FGF7: variants seen among roughly 807,000 people sequenced by gnomAD.
FGF7 encodes fibroblast growth factor 7, also known as FGF-7.
Under a neutral mutation model 20.5 loss-of-function variants are expected in FGF7, and 6 were observed. The ratio of observed to expected loss-of-function variants is 0.29; its 90% CI spans 0.16 to 0.58. The LOEUF (loss-of-function observed/expected upper bound fraction) is 0.58, where lower values mean the gene tolerates loss of function less well. Among genes scored for constraint, FGF7 ranks in the 20% least tolerant of loss-of-function variants. The pLI is 0.90. For synonymous variants in FGF7, 64 were observed against 74.7 expected (o/e 0.86, Z 0.74); for missense variants, 144 against 228.8 (o/e 0.63, Z 2.39).
chr15:49,459,695 C>T (rs58410445), intron 2 of FGF7, among the ~76,000 whole-genome samples: 49,425 of 151,946 alleles, frequency 0.33, 8,756 homozygotes, highest in African/African-American at 0.45. Flanking sequence ...TCAAAAATGA[C>T]TGTACACATT....
At chr15:49,431,889 A>C (rs1390157711) in intron 2 of FGF7, among the ~76,000 whole-genome samples, 3 of 151,704 alleles carry the variant, frequency 2.0e-5, no homozygotes, top group Non-Finnish European at 4.4e-5. Flanking sequence ...AAAACCACTA[A>C]AATGCTGGGG....
intron 2 of FGF7, 66 bp from the exon 3 acceptor site, chr15:49,483,085 G>A: frequency 1.2e-6 from 1 of 852,106 alleles, no homozygotes; most frequent in South Asian, 1.3e-5. Flanking sequence ...AAGAACAAAT[G>A]GCCATTCGTG....
At chr15:49,458,182 T>C (rs2053483541) in intron 2 of FGF7, among the ~76,000 whole-genome samples, 1 of 151,994 alleles carries the variant, frequency 6.6e-6, no homozygotes, top group Non-Finnish European at 1.5e-5. Flanking sequence ...AGTAGGATCT[T>C]AGAGCAGGAA....
At position 49,484,325 on chromosome 15, in the gene FGF7, G is replaced by T; in HGVS notation, c.406G>T (p.Asp136Tyr). ...GTTTTAACAGAAAGAATGCAATGAAGATTGTAACTTCAAAGAACTAATTCT... is the reference window on the plus strand; with the variant it reads ...GTTTTAACAGAAAGAATGCAATGAATATTGTAACTTCAAAGAACTAATTCT... The part of the protein sequence containing the change: ...KLYAKKECNE[D>Y]CNFKELILEN... The change falls in exon 4 of 4, where the codon GAT becomes TAT. Residue 136 changes from aspartate (D) to tyrosine (Y), a missense_variant. Around this residue, in one of 2 missense-constraint regions of FGF7, gnomAD observed 56 missense variants for 125.4 expected, o/e 0.45. Transcript: ENST00000267843. 1 of 1,588,684 alleles carries T rather than the reference G, an allele frequency of 6.3e-7. No homozygotes were observed. Among genetic ancestry groups the T allele is most frequent in the Non-Finnish European group, 8.5e-7 (1 of 1,175,332 alleles).
At chr15:49,427,557 C>T (rs572748823) in intron 2 of FGF7, among the ~76,000 whole-genome samples, 25 of 152,036 alleles carry the variant, frequency 1.6e-4, no homozygotes, top group African/African-American at 5.3e-4. Flanking sequence ...TAAAATTTTA[C>T]ATGAAAAGTA....
At chr15:49,430,497 T>A (rs1221915942) in intron 2 of FGF7, among the ~76,000 whole-genome samples, 1 of 151,896 alleles carries the variant, frequency 6.6e-6, no homozygotes, top group Non-Finnish European at 1.5e-5. Context: ...TCTAGAGGGT[T>A]GGCTTAGTCT....
At chr15:49,441,249 G>T (rs2051612586) in intron 2 of FGF7, among the ~76,000 whole-genome samples, 1 of 151,642 alleles carries the variant, frequency 6.6e-6, no homozygotes, top group Admixed American at 6.6e-5. Flanking sequence ...CCACAACTTA[G>T]ATTTTCAAAT....
intron 2 of FGF7, among the ~76,000 whole-genome samples, chr15:49,482,155 C>A (rs2056010798): frequency 6.6e-6 from 1 of 151,990 alleles, no homozygotes; most frequent in African/African-American, 2.4e-5. Context: ...ACTGTACCTT[C>A]ATGTAGAAAA....
rs370899939 is a variant in FGF7 at position 49,474,964 on chromosome 15, T to C, written c.287-8187T>C. Among the ~76,000 whole-genome samples the C allele has an allele frequency of 8.6e-5, 13 of 151,212 alleles. No individual in the cohort carries two copies. In the East Asian group the frequency reaches 1.8e-3, roughly 20 times the overall value. ...GAATTAATTCCAGATGAATTTAAGA[T>C]AATTTGAATTTATATTTAAAATTCA... is the stretch of plus-strand genomic sequence containing the variant. On this transcript the variant is annotated intron_variant, in intron 2 of 3. Transcript: ENST00000267843.
intron 2 of FGF7, among the ~76,000 whole-genome samples, chr15:49,453,585 G>A (rs374979591): frequency 4.7e-4 from 71 of 152,198 alleles, no homozygotes; most frequent in African/African-American, 1.7e-3. Context: ...CCATGTAACC[G>A]TCAGGGACCA....
At chr15:49,430,901 C>T (rs1046825372) in intron 2 of FGF7, among the ~76,000 whole-genome samples, 1 of 147,518 alleles carries the variant, frequency 6.8e-6, no homozygotes, top group African/African-American at 2.5e-5. Flanking sequence ...AGGGTCTATC[C>T]AGATCAGAGA....
chr15:49,438,233 C>G (rs938366586), intron 2 of FGF7, among the ~76,000 whole-genome samples: 3 of 151,678 alleles, frequency 2.0e-5, no homozygotes, highest in Non-Finnish European at 4.4e-5. Flanking sequence ...AGTAGAAGCA[C>G]TAACTAATCA....
chr15:49,470,563 T>A (rs1053473875), intron 2 of FGF7, among the ~76,000 whole-genome samples: 8 of 152,200 alleles, frequency 5.3e-5, no homozygotes, highest in Non-Finnish European at 1.2e-4. Context: ...CCTTAACTTT[T>A]ATGATACCTT....
intron 2 of FGF7, among the ~76,000 whole-genome samples, chr15:49,440,673 T>C (rs1024362458): frequency 6.6e-6 from 1 of 151,734 alleles, no homozygotes; most frequent in Non-Finnish European, 1.5e-5. Flanking sequence ...TTTACATGAT[T>C]TCTCTCATCT....
chr15:49,458,648 T>C (rs1348915482), intron 2 of FGF7, among the ~76,000 whole-genome samples: 1 of 152,140 alleles, frequency 6.6e-6, no homozygotes, highest in Non-Finnish European at 1.5e-5. Context: ...CTGACTTTCA[T>C]ACAAATGGGA....
At chr15:49,429,971 G>C (rs1223015081) in intron 2 of FGF7, among the ~76,000 whole-genome samples, 1 of 151,854 alleles carries the variant, frequency 6.6e-6, no homozygotes. Context: ...ACCACCTCAG[G>C]GGTCTTGGGA....
At chr15:49,469,440 T>C (rs1473464188) in intron 2 of FGF7, among the ~76,000 whole-genome samples, 1 of 152,148 alleles carries the variant, frequency 6.6e-6, no homozygotes, top group African/African-American at 2.4e-5. Context: ...GCACTATCTT[T>C]ACTTCATTCT....
intron 2 of FGF7, among the ~76,000 whole-genome samples, chr15:49,439,262 G>A (rs1381755046): frequency 6.6e-6 from 1 of 151,112 alleles, no homozygotes. Flanking sequence ...TTCAGACTGA[G>A]CAATGAGAGG....
At position 49,424,158 on chromosome 15, in the gene FGF7, C is replaced by T. The variant is rs1355310963; in HGVS notation, c.-140C>T. The T allele has an allele frequency of 2.8e-6, 2 of 706,352 alleles. No individual in the cohort carries two copies. The highest frequency in any genetic ancestry group is 4.7e-6 in the Non-Finnish European group (2 of 424,264). 43.8% of individuals were successfully genotyped at this position (706,352 alleles called of 1,614,324 possible). A position where few individuals can be genotyped will look rare whatever the true frequency, so the allele number is the denominator to read the frequency against. On this transcript the variant is annotated 5_prime_UTR_variant, in exon 2 of 4. Transcript: ENST00000267843. ...TCAGGAACTAAAAGGATAAGGCTAACAATTTGGAAAGAGCAACTACTCTTT... is the reference window on the plus strand; with the variant it reads ...TCAGGAACTAAAAGGATAAGGCTAATAATTTGGAAAGAGCAACTACTCTTT...
Sources: gnomAD v4.1 joint callset for allele counts (sites outside exome capture counted in the v4.1 genomes callset) on GRCh38, gnomAD v4.1.1 for gene constraint, gnomAD v4.1.1 regional missense constraint, MANE v1.5 for transcripts, NCBI Gene and HGNC (gene_info 2026-07-23, HGNC 2026-07-21) for gene names.